The following APCS variants were observed in gnomAD, a reference collection of about 807,000 sequenced individuals.
The protein encoded by APCS is amyloid P component, serum.
Under a neutral mutation model 2.5 loss-of-function variants are expected in APCS, and 2 were observed. That is an observed-to-expected ratio of 0.80 (90% CI 0.33 to 2.53). The LOEUF is 2.53. APCS is among the 30% of genes most tolerant of loss of function. The pLI is 0.11. For synonymous variants in APCS, 109 were observed against 102.5 expected (o/e 1.06, Z -0.39); for missense variants, 302 against 258.9 (o/e 1.17, Z -1.14).
Position 159,588,754 on chromosome 1 carries a change from G to A in APCS, c.*46G>A. On this transcript the variant is annotated 3_prime_UTR_variant, in exon 2 of 2. Transcript: ENST00000255040. ...ACTTGAAAATGAAATGACTGTCTAA[G>A]AGATCTGGTCAAAGCAACTGGATAC... 1 of 1,558,548 alleles carries A rather than the reference G, an allele frequency of 6.4e-7. No individual in the cohort carries two copies. Among genetic ancestry groups the A allele is most frequent in the Non-Finnish European group, 8.7e-7 (1 of 1,147,422 alleles).
rs200190182 is a variant in APCS, at chr1:159,587,948, T to C, written c.27T>C (p.Ser9=). ...TGAACAAGCCGCTGCTTTGGATCTC[T>C]GTCCTCACCAGCCTCCTGGAAGCCT... is the stretch of plus-strand genomic sequence containing the variant. The part of the protein sequence containing the change: MNKPLLWI[S]VLTSLLEAFA... Residue 9 remains serine (S), a synonymous_variant, in exon 1 of 2, where the codon TCT becomes TCC. Coordinates refer to ENST00000255040, the MANE Select transcript of APCS (RefSeq NM_001639.4). 2 of 1,614,146 alleles carry C rather than the reference T, an allele frequency of 1.2e-6. No individual in the cohort carries two copies. The highest frequency in any genetic ancestry group is 1.7e-6 in the Non-Finnish European group (2 of 1,180,022).
chr1:159,587,954 C>T lies in APCS; in HGVS notation c.33C>T (p.Leu11=). Residue 11 remains leucine, a synonymous_variant, in exon 1 of 2, where the codon CTC becomes CTT. Transcript: ENST00000255040. ...AGCCGCTGCTTTGGATCTCTGTCCT[C>T]ACCAGCCTCCTGGAAGCCTTTGCTC... MNKPLLWISV[L]TSLLEAFAHT... is the part of the protein sequence containing the mutation. 2 of 1,614,158 alleles carry T rather than the reference C, an allele frequency of 1.2e-6. No individual in the cohort carries two copies. Among genetic ancestry groups the T allele is most frequent in the Non-Finnish European group, 1.7e-6 (2 of 1,180,024 alleles).
Position 159,588,081 on chromosome 1 carries a change from T to C in APCS, c.65-20T>C, listed in dbSNP as rs1320956696. ...TGCATTTATACTGAAGGTCATTATC[T>C]TTCTTTCTTTATCCCGCAGACCTCA... On this transcript the variant is annotated intron_variant, in intron 1 of 1. Transcript: ENST00000255040. 1 of 1,612,918 alleles carries C rather than the reference T, an allele frequency of 6.2e-7. No homozygotes were observed. The highest frequency in any genetic ancestry group is 2.2e-5 in the East Asian group (1 of 44,876).
At position 159,587,829 on chromosome 1, in the gene APCS, C is replaced by A; in HGVS notation, c.-93C>A. On this transcript the variant is annotated 5_prime_UTR_variant, in exon 1 of 2. Coordinates refer to ENST00000255040, the MANE Select transcript of APCS (RefSeq NM_001639.4). ...CCCTGAATAACCTGAAGTCTAAGGG[C>A]ATGAATATCAGACGCTAGGGGGACA... is the stretch of plus-strand genomic sequence containing the variant. 1.5e-6 allele frequency: 2 copies of A among 1,314,094 alleles called. No individual in the cohort carries two copies. Among genetic ancestry groups the A allele is most frequent in the Non-Finnish European group, 1.1e-6 (1 of 910,684 alleles). The allele number at this position is 1,314,094 out of a possible 1,614,324, so 81.4% of individuals were successfully genotyped here.
Position 159,588,670 on chromosome 1 carries a change from A to G in APCS, c.634A>G (p.Arg212Gly). The G allele has an allele frequency of 6.2e-7, 1 of 1,613,734 alleles. No individual in the cohort carries two copies. The highest frequency in any genetic ancestry group is 8.5e-7 in the Non-Finnish European group (1 of 1,179,932). The change falls in exon 2 of 2, where the codon AGA (arginine) becomes GGA (glycine). Residue 212 changes from arginine to glycine, a missense_variant. Physicochemically the swap from Arg to Gly is moderately radical, Grantham distance 125. Coordinates refer to ENST00000255040, the MANE Select transcript of APCS (RefSeq NM_001639.4). ...LDWQALNYEI[R>G]GYVIIKPLVW... ...CTGGCAGGCTCTGAACTATGAAATCAGAGGATATGTCATCATCAAACCCTT... is the reference window on the plus strand; with the variant it reads ...CTGGCAGGCTCTGAACTATGAAATCGGAGGATATGTCATCATCAAACCCTT...
Position 159,587,940 on chromosome 1 carries a change from TG to T in APCS, c.21del (p.Trp7Ter). ...CAGGAATATGAACAAGCCGCTGCTTTGGATCTCTGTCCTCACCAGCCTCCTG... is the reference window on the plus strand; with the variant it reads ...CAGGAATATGAACAAGCCGCTGCTTTGATCTCTGTCCTCACCAGCCTCCTG... The part of the protein sequence containing the change: MNKPLL[W>X]ISVLTSLLEA... On this transcript the variant is annotated frameshift_variant, in exon 1 of 2. Transcript: ENST00000255040. LOFTEE classifies it low-confidence loss of function (END_TRUNC). 6.2e-7 allele frequency: 1 copy of T among 1,614,106 alleles called. No homozygotes were observed. Among genetic ancestry groups the T allele is most frequent in the Non-Finnish European group, 8.5e-7 (1 of 1,180,020 alleles).
rs201740730 is a variant in APCS, at chr1:159,588,430, C to G, written c.394C>G (p.Pro132Ala). ...TGCTGAATTTTGGATCAATGGGACA[C>G]CTTTGGTGAAAAAGGGTCTGCGACA... ...GIAEFWINGT[P>A]LVKKGLRQGY... is the part of the protein sequence containing the mutation. Residue 132 changes from proline to alanine, a missense_variant, in exon 2 of 2, where the codon CCT (proline) becomes GCT (alanine). Transcript: ENST00000255040. The G allele has an allele frequency of 2.4e-5, 39 of 1,613,952 alleles. No individual in the cohort carries two copies. Among genetic ancestry groups the G allele is most frequent in the Non-Finnish European group, 3.1e-5 (36 of 1,180,018 alleles).
chr1:159,588,088 C>T lies in APCS; in HGVS notation c.65-13C>T. The T allele has an allele frequency of 6.2e-7, 1 of 1,613,204 alleles. No individual in the cohort carries two copies. The highest frequency in any genetic ancestry group is 1.1e-5 in the South Asian group (1 of 91,046). ...ATACTGAAGGTCATTATCTTTCTTT[C>T]TTTATCCCGCAGACCTCAGTGGGAA... On this transcript the variant is annotated splice_polypyrimidine_tract_variant and intron_variant, in intron 1 of 1. Coordinates refer to ENST00000255040, the MANE Select transcript of APCS (RefSeq NM_001639.4).
In APCS at chr1:159,588,426, G is replaced by C. The variant is rs200753101; in HGVS notation, c.390G>C (p.Gly130=). ...SSGIAEFWIN[G]TPLVKKGLRQ... is the part of the protein sequence containing the mutation. ...GTATTGCTGAATTTTGGATCAATGG[G>C]ACACCTTTGGTGAAAAAGGGTCTGC... The change falls in exon 2 of 2, where the codon GGG becomes GGC. Residue 130 remains glycine (G), a synonymous_variant. Coordinates refer to ENST00000255040, the MANE Select transcript of APCS (RefSeq NM_001639.4). 3 of 1,614,100 alleles carry C rather than the reference G, an allele frequency of 1.9e-6. No individual in the cohort carries two copies. Among genetic ancestry groups the C allele is most frequent in the Non-Finnish European group, 2.5e-6 (3 of 1,180,014 alleles).
chr1:159,588,181 C>T lies in APCS; in HGVS notation c.145C>T (p.Leu49=). 1.2e-6 allele frequency: 2 copies of T among 1,614,122 alleles called. No individual in the cohort carries two copies. Among genetic ancestry groups the T allele is most frequent in the Non-Finnish European group, 1.7e-6 (2 of 1,179,976 alleles). The stretch of plus-strand genomic sequence containing the variant: ...CTTGATCACACCGCTGGAGAAGCCT[C>T]TACAGAACTTTACCTTGTGTTTTCG... ...VNLITPLEKP[L]QNFTLCFRAY... is the part of the protein sequence containing the mutation. The change falls in exon 2 of 2, where the codon CTA becomes TTA. Residue 49 remains leucine, a synonymous_variant. Coordinates refer to ENST00000255040, the MANE Select transcript of APCS (RefSeq NM_001639.4).
chr1:159,588,325 C>T lies in APCS; in HGVS notation c.289C>T (p.His97Tyr). 2 of 1,614,108 alleles carry T rather than the reference C, an allele frequency of 1.2e-6. No individual in the cohort carries two copies. The highest frequency in any genetic ancestry group is 1.7e-6 in the Non-Finnish European group (2 of 1,180,002). ...AGAGTATAGTCTATACATTGGAAGA[C>T]ACAAAGTTACATCCAAAGTTATCGA... ...VGEYSLYIGR[H>Y]KVTSKVIEKF... The change falls in exon 2 of 2, where the codon CAC becomes TAC. Residue 97 changes from histidine (H) to tyrosine (Y), a missense_variant. Coordinates refer to ENST00000255040, the MANE Select transcript of APCS (RefSeq NM_001639.4).
At position 159,588,748 on chromosome 1, in the gene APCS, G is replaced by T; in HGVS notation, c.*40G>T. On this transcript the variant is annotated 3_prime_UTR_variant, in exon 2 of 2. Coordinates refer to ENST00000255040, the MANE Select transcript of APCS (RefSeq NM_001639.4). ...GAGAGCACTTGAAAATGAAATGACT[G>T]TCTAAGAGATCTGGTCAAAGCAACT... The T allele has an allele frequency of 6.4e-7, 1 of 1,564,082 alleles. No homozygotes were observed. The highest frequency in any genetic ancestry group is 8.7e-7 in the Non-Finnish European group (1 of 1,150,564).
At position 159,588,822 on chromosome 1, in the gene APCS, C is replaced by G; in HGVS notation, c.*114C>G. 1.7e-6 allele frequency: 2 copies of G among 1,208,070 alleles called. No homozygotes were observed. Among genetic ancestry groups the G allele is most frequent in the South Asian group, 3.3e-5 (2 of 61,290 alleles). 74.8% of individuals were successfully genotyped at this position (1,208,070 alleles called of 1,614,324 possible). ...GCTCTTTCTTCTTTGAATTTCCTAT[C>G]TGTATGTCTGCCTAATTAAAAAAAT... On this transcript the variant is annotated 3_prime_UTR_variant, in exon 2 of 2. Transcript: ENST00000255040.
rs1226108811 is a variant in APCS, at chr1:159,588,535, C to A, written c.499C>A (p.Gln167Lys). Residue 167 changes from glutamine to lysine, a missense_variant, in exon 2 of 2, where the codon CAG (glutamine) becomes AAG (lysine). Gln to Lys is a moderately conservative substitution (Grantham distance 53). Coordinates refer to ENST00000255040, the MANE Select transcript of APCS (RefSeq NM_001639.4). ...DSYGGKFDRS[Q>K]SFVGEIGDLY... ...CTATGGGGGCAAGTTTGATAGGAGCCAGTCCTTTGTGGGAGAGATTGGGGA... is the reference window on the plus strand; with the variant it reads ...CTATGGGGGCAAGTTTGATAGGAGCAAGTCCTTTGTGGGAGAGATTGGGGA... The A allele has an allele frequency of 6.2e-7, 1 of 1,613,996 alleles. No homozygotes were observed. The highest frequency in any genetic ancestry group is 2.2e-5 in the East Asian group (1 of 44,874).
rs1266494076 is a variant in APCS at position 159,587,868 on chromosome 1, C to A, written c.-54C>A. ...GCTAGGGGGACAGCCACTGTGTTGT[C>A]TGCTACCCTCATCCTGGTCACTGCT... On this transcript the variant is annotated 5_prime_UTR_variant, in exon 1 of 2. The change creates a new upstream start codon in the 5' untranslated region. Transcript: ENST00000255040. 3 of 1,567,980 alleles carry A rather than the reference C, an allele frequency of 1.9e-6. No homozygotes were observed. The highest frequency in any genetic ancestry group is 2.2e-5 in the South Asian group (2 of 89,948).
At position 159,588,622 on chromosome 1, in the gene APCS, C is replaced by G; in HGVS notation, c.586C>G (p.Pro196Ala). 1 of 1,613,678 alleles carries G rather than the reference C, an allele frequency of 6.2e-7. No homozygotes were observed. The highest frequency in any genetic ancestry group is 8.5e-7 in the Non-Finnish European group (1 of 1,179,924). ...TATCCTGTCTGCCTATCAGGGTACC[C>G]CTCTCCCTGCCAATATCCTGGACTG... ...ENILSAYQGT[P>A]LPANILDWQA... Residue 196 changes from proline (P) to alanine (A), a missense_variant, in exon 2 of 2, where the codon CCT (proline) becomes GCT (alanine). Physicochemically the swap from Pro to Ala is conservative, Grantham distance 27 (BLOSUM62 -1). Coordinates refer to ENST00000255040, the MANE Select transcript of APCS (RefSeq NM_001639.4).
chr1:159,588,260 G>A lies in APCS; in HGVS notation c.224G>A (p.Gly75Asp). 3 of 1,613,934 alleles carry A rather than the reference G, an allele frequency of 1.9e-6. No individual in the cohort carries two copies. The highest frequency in any genetic ancestry group is 1.3e-5 in the African/African-American group (1 of 75,010). ...AGCCTCTTCTCCTACAATACCCAAG[G>A]CAGGGATAATGAGCTACTAGTTTAT... Reference protein sequence around the residue: ...AYSLFSYNTQGRDNELLVYKE... With the variant: ...AYSLFSYNTQDRDNELLVYKE... The change falls in exon 2 of 2, where the codon GGC becomes GAC. Residue 75 changes from glycine to aspartate, a missense_variant. Transcript: ENST00000255040.
chr1:159,587,843 G>GCTAGGGGGA lies in APCS; in HGVS notation c.-77_-69dup. The GCTAGGGGGA allele has an allele frequency of 6.9e-7, 1 of 1,451,804 alleles. No individual in the cohort carries two copies. The highest frequency in any genetic ancestry group is 9.7e-7 in the Non-Finnish European group (1 of 1,035,088). The allele number at this position is 1,451,804 out of a possible 1,614,324, so 89.9% of individuals were successfully genotyped here. A position where few individuals can be genotyped will look rare whatever the true frequency, so the allele number is the denominator to read the frequency against. On this transcript the variant is annotated 5_prime_UTR_variant, in exon 1 of 2. Transcript: ENST00000255040. ...AAGTCTAAGGGCATGAATATCAGAC[G>GCTAGGGGGA]CTAGGGGGACAGCCACTGTGTTGTC...
At position 159,587,845 on chromosome 1, in the gene APCS, TA is replaced by T; in HGVS notation, c.-76del. The T allele has an allele frequency of 6.8e-7, 1 of 1,468,444 alleles. No homozygotes were observed. The highest frequency in any genetic ancestry group is 1.4e-5 in the African/African-American group (1 of 71,886). 91.0% of individuals were successfully genotyped at this position (1,468,444 alleles called of 1,614,324 possible). On this transcript the variant is annotated 5_prime_UTR_variant, in exon 1 of 2. It removes the in-frame stop codon of an upstream open reading frame in the 5' UTR. Coordinates refer to ENST00000255040, the MANE Select transcript of APCS (RefSeq NM_001639.4). ...GTCTAAGGGCATGAATATCAGACGC[TA>T]GGGGGACAGCCACTGTGTTGTCTGC... is the stretch of plus-strand genomic sequence containing the variant.
Sources: allele counts gnomAD v4.1 joint callset, GRCh38; gene constraint gnomAD v4.1.1; transcripts MANE v1.5; gene names NCBI Gene and HGNC (gene_info 2026-07-23, HGNC 2026-07-21).